RBFOX1: variants seen among roughly 807,000 people sequenced by gnomAD.
RBFOX1 encodes RNA binding protein fox-1 homolog 1.
In RBFOX1, 8 loss-of-function variants were observed where a neutral mutation model predicts 57.7. The observed-to-expected ratio is 0.14, with a 90% CI of 0.08 to 0.25. The LOEUF is 0.25. RBFOX1 is among the 10% of genes least tolerant of loss of function. The probability of loss-of-function intolerance (pLI) is 1.00; values close to 1 mark genes in which losing one functional copy is unlikely to be tolerated. For synonymous variants in RBFOX1, 326 were observed against 222.4 expected, an observed-to-expected ratio of 1.47 and a Z score of -4.15; for missense variants, 611 against 548.5, an observed-to-expected ratio of 1.11 and a Z score of -1.14.
At chr16:6,051,427 A>C (rs1314813376) in intron 1 of RBFOX1, among the ~76,000 whole-genome samples, 1 of 152,136 alleles carries the variant, frequency 6.6e-6, no homozygotes, top group African/African-American at 2.4e-5. Flanking sequence ...TCCTGGGTTC[A>C]AGCGATTCTC....
chr16:5,315,580 C>G (rs573357800), intron 1 of RBFOX1, among the ~76,000 whole-genome samples: 1 of 152,158 alleles, frequency 6.6e-6, no homozygotes, highest in Non-Finnish European at 1.5e-5. Context: ...AGGCAGGGGA[C>G]AAGAATCACA....
At chr16:6,068,910 T>A (rs948770494) in intron 1 of RBFOX1, among the ~76,000 whole-genome samples, 2 of 152,112 alleles carry the variant, frequency 1.3e-5, no homozygotes, top group Non-Finnish European at 2.9e-5. Context: ...GAATAAGCAT[T>A]CCGACACTCA....
At chr16:7,299,293 C>T (rs1474946189) in intron 4 of RBFOX1, among the ~76,000 whole-genome samples, 1 of 152,166 alleles carries the variant, frequency 6.6e-6, no homozygotes, top group African/African-American at 2.4e-5. Flanking sequence ...GTAAACTGTT[C>T]TAAACCACCA....
At chr16:6,443,807 T>TGG (rs1221505698) in intron 2 of RBFOX1, among the ~76,000 whole-genome samples, 6 of 152,142 alleles carry the variant, frequency 3.9e-5, no homozygotes, top group Non-Finnish European at 7.4e-5. Context: ...CCTATCCATT[T>TGG]ACCCATCTCT....
chr16:7,109,784 G>T (rs114205774), intron 4 of RBFOX1, among the ~76,000 whole-genome samples: 1 of 152,068 alleles, frequency 6.6e-6, no homozygotes, highest in Admixed American at 6.6e-5. Flanking sequence ...TCATTCACTC[G>T]TTTGCTGAAC....
At chr16:6,220,195 T>C (rs537056483) in intron 1 of RBFOX1, among the ~76,000 whole-genome samples, 1 of 152,158 alleles carries the variant, frequency 6.6e-6, no homozygotes, top group Non-Finnish European at 1.5e-5. Flanking sequence ...TGTCTGTGGG[T>C]GTGTGTATAT....
intron 1 of RBFOX1, among the ~76,000 whole-genome samples, chr16:6,302,032 T>C (rs1482141231): frequency 6.6e-6 from 1 of 152,168 alleles, no homozygotes; most frequent in Non-Finnish European, 1.5e-5. Context: ...TACCACTATA[T>C]GTTACTGTCC....
intron 3 of RBFOX1, among the ~76,000 whole-genome samples, chr16:6,748,208 T>C (rs535862819): frequency 7.1e-4 from 108 of 152,246 alleles, no homozygotes; most frequent in African/African-American, 2.6e-3. Context: ...CCTTATGGGT[T>C]CAGTACCATG....
chr16:5,370,218 A>G, intron 1 of RBFOX1, among the ~76,000 whole-genome samples: 1 of 152,162 alleles, frequency 6.6e-6, no homozygotes, highest in East Asian at 1.9e-4. Context: ...TTTCTGCAGA[A>G]CCCAATGGTG....
intron 1 of RBFOX1, among the ~76,000 whole-genome samples, chr16:6,048,472 A>G (rs1453969558): frequency 6.6e-6 from 1 of 152,226 alleles, no homozygotes; most frequent in Non-Finnish European, 1.5e-5. Context: ...CGGTAATAAT[A>G]ATGGACACCC....
intron 3 of RBFOX1, among the ~76,000 whole-genome samples, chr16:6,908,366 C>G (rs1436971367): frequency 6.8e-6 from 1 of 146,446 alleles, no homozygotes; most frequent in Non-Finnish European, 1.6e-5. Flanking sequence ...CCCTTCTAAC[C>G]CCGATGTGTG....
intron 3 of RBFOX1, among the ~76,000 whole-genome samples, chr16:6,903,856 A>C (rs2069094303): frequency 6.6e-6 from 1 of 152,254 alleles, no homozygotes; most frequent in Non-Finnish European, 1.5e-5. Flanking sequence ...GCACGTCATT[A>C]CTTGGAAAGG....
intron 3 of RBFOX1, among the ~76,000 whole-genome samples, chr16:6,657,343 C>G (rs972357527): frequency 2.0e-5 from 3 of 152,062 alleles, no homozygotes; most frequent in African/African-American, 7.2e-5. Context: ...TAGGAGCTTG[C>G]TTTATATATG....
chr16:5,949,097 C>T (rs1386951475), intron 4 of RBFOX1, among the ~76,000 whole-genome samples: 2 of 152,050 alleles, frequency 1.3e-5, no homozygotes, highest in Non-Finnish European at 2.9e-5. Context: ...CATGTCCTCC[C>T]CAACTACTAG....
At chr16:7,506,245 A>G (rs189408325) in intron 4 of RBFOX1, among the ~76,000 whole-genome samples, 4 of 151,806 alleles carry the variant, frequency 2.6e-5, no homozygotes, top group Non-Finnish European at 4.4e-5. Context: ...AGTTACCAGA[A>G]CAAAAGTTTA....
At chr16:6,048,592 C>T (rs995806183) in intron 1 of RBFOX1, among the ~76,000 whole-genome samples, 11 of 152,102 alleles carry the variant, frequency 7.2e-5, no homozygotes, top group Non-Finnish European at 2.9e-5. Flanking sequence ...TGCTTGGGCT[C>T]AATAAATTCC....
At chr16:7,201,019 G>A (rs143475257) in intron 4 of RBFOX1, among the ~76,000 whole-genome samples, 6 of 152,264 alleles carry the variant, frequency 3.9e-5, no homozygotes, top group African/African-American at 1.2e-4. Flanking sequence ...CCATTATTTG[G>A]GGACTCTCTA....
At chr16:6,304,301 A>G (rs1216918476) in intron 1 of RBFOX1, among the ~76,000 whole-genome samples, 4 of 151,982 alleles carry the variant, frequency 2.6e-5, no homozygotes, top group Admixed American at 2.6e-4. Flanking sequence ...AAAAAGAAAG[A>G]TAATTAATGA....
intron 3 of RBFOX1, among the ~76,000 whole-genome samples, chr16:5,643,742 T>C (rs959988701): frequency 6.6e-6 from 1 of 152,196 alleles, no homozygotes; most frequent in Non-Finnish European, 1.5e-5. Flanking sequence ...TTTACTGATT[T>C]GAGAGTCACC....
Sources: allele counts gnomAD v4.1 joint callset (sites outside exome capture counted in the v4.1 genomes callset), GRCh38; gene constraint gnomAD v4.1.1; transcripts MANE v1.5; gene names NCBI Gene and HGNC (gene_info 2026-07-23, HGNC 2026-07-21).